JHY: variants seen among roughly 807,000 people sequenced by gnomAD.
JHY encodes the protein jhy protein homolog.
Under a neutral mutation model 78.0 loss-of-function variants are expected in JHY, and 69 were observed. That is an observed-to-expected ratio of 0.88 (90% CI 0.73 to 1.08). The LOEUF (loss-of-function observed/expected upper bound fraction) is 1.08. Among genes scored for constraint, JHY ranks in the 50% least tolerant of loss-of-function variants. The pLI is 0.00. For synonymous variants in JHY, 368 were observed against 342.6 expected, an observed-to-expected ratio of 1.07 and a Z score of -0.82; for missense variants, 944 against 927.8, an observed-to-expected ratio of 1.02 and a Z score of -0.23.
In JHY at chr11:122,904,339, A is replaced by G; in HGVS notation, c.759A>G (p.Gln253=). 1 of 1,614,064 alleles carries G rather than the reference A, an allele frequency of 6.2e-7. No individual in the cohort carries two copies. Among genetic ancestry groups the G allele is most frequent in the Non-Finnish European group, 8.5e-7 (1 of 1,180,012 alleles). The part of the protein sequence containing the change: ...SRGPRRRKSK[Q]HFVEKNKLTL... ...GCCCTCGGCGAAGGAAATCCAAACA[A>G]CATTTTGTGGAAAAAAACAAGCTCA... The change falls in exon 3 of 9, where the codon CAA becomes CAG. Residue 253 remains glutamine (Q), a synonymous_variant. Coordinates refer to ENST00000227349, the MANE Select transcript of JHY (RefSeq NM_024806.4).
At chr11:122,943,660 C>G (rs1472312099) in intron 5 of JHY, among the ~76,000 whole-genome samples, 1 of 152,132 alleles carries the variant, frequency 6.6e-6, no homozygotes, top group Non-Finnish European at 1.5e-5. Context: ...ATTGATATAT[C>G]TTCCTGATGA....
At chr11:122,955,967 A>C (rs1483986703) in intron 6 of JHY, among the ~76,000 whole-genome samples, 1 of 152,144 alleles carries the variant, frequency 6.6e-6, no homozygotes, top group Non-Finnish European at 1.5e-5. Context: ...CAAAATGGTA[A>C]TAGGAACAGT....
intron 4 of JHY, among the ~76,000 whole-genome samples, chr11:122,926,069 T>C (rs1472125625): frequency 6.7e-6 from 1 of 148,852 alleles, no homozygotes; most frequent in East Asian, 2.0e-4. Context: ...TCACCTGTAG[T>C]CCCAGCTACT....
Position 122,935,444 on chromosome 11 carries a change from A to G in JHY, c.1634+369A>G, listed in dbSNP as rs1336645267. Among the ~76,000 whole-genome samples, 1 of 152,176 alleles carries G rather than the reference A, an allele frequency of 6.6e-6. No homozygotes were observed. The highest frequency in any genetic ancestry group is 1.5e-5 in the Non-Finnish European group (1 of 68,034). The stretch of plus-strand genomic sequence containing the variant: ...GAGACAGAGTTTCAGCATGTTGGCC[A>G]GGCTGGTCTCGAACTCCTGACCTCA... On this transcript the variant is annotated intron_variant, in intron 5 of 8. Coordinates refer to ENST00000227349, the MANE Select transcript of JHY (RefSeq NM_024806.4). The surrounding 1 kb of genome is among the most constrained non-coding windows in gnomAD (Gnocchi z 4.5).
rs956149917 is a variant in JHY, at chr11:122,946,723, T to C, written c.1860T>C (p.Arg620=). Residue 620 remains arginine, a synonymous_variant, in exon 6 of 9, where the codon CGT becomes CGC. Transcript: ENST00000227349. ...RSQRNQVKIS[R]SNSEGYLFQL... is the part of the protein sequence containing the mutation. ...AAAGAAACCAAGTGAAAATTAGCCGTAGCAATTCTGAAGGCTATCTGTTTC... is the reference window on the plus strand; with the variant it reads ...AAAGAAACCAAGTGAAAATTAGCCGCAGCAATTCTGAAGGCTATCTGTTTC... The C allele has an allele frequency of 1.2e-6, 2 of 1,613,954 alleles. No homozygotes were observed. The highest frequency in any genetic ancestry group is 2.7e-5 in the African/African-American group (2 of 74,898).
intron 4 of JHY, among the ~76,000 whole-genome samples, chr11:122,931,097 G>C (rs1863625392): frequency 6.6e-6 from 1 of 152,128 alleles, no homozygotes; most frequent in Non-Finnish European, 1.5e-5. Flanking sequence ...TGCTGACCTA[G>C]TCACCCGAAA....
intron 2 of JHY, among the ~76,000 whole-genome samples, chr11:122,891,317 T>C (rs1395454924): frequency 6.6e-6 from 1 of 152,216 alleles, no homozygotes; most frequent in Non-Finnish European, 1.5e-5. Flanking sequence ...TATTCCCTTG[T>C]ATCTGACCAA....
chr11:122,944,111 C>T (rs1824513826), intron 5 of JHY, among the ~76,000 whole-genome samples: 1 of 152,102 alleles, frequency 6.6e-6, no homozygotes, highest in Admixed American at 6.5e-5. Context: ...GTGGGAGGAT[C>T]ACTTGAGCCC....
chr11:122,946,001 A>G (rs1475726015), intron 5 of JHY, among the ~76,000 whole-genome samples: 1 of 152,210 alleles, frequency 6.6e-6, no homozygotes, highest in Non-Finnish European at 1.5e-5. Context: ...ACACAGGACC[A>G]AGATCTTGCA....
At chr11:122,940,032 A>AT (rs1249310604) in intron 5 of JHY, among the ~76,000 whole-genome samples, 1 of 147,790 alleles carries the variant, frequency 6.8e-6, no homozygotes, top group East Asian at 2.0e-4. Context: ...TGTCCCTTTA[A>AT]TTAAAAAAAA....
intron 3 of JHY, among the ~76,000 whole-genome samples, chr11:122,916,854 T>A (rs1591380810): frequency 1.3e-5 from 2 of 152,168 alleles, no homozygotes; most frequent in Non-Finnish European, 1.5e-5. Context: ...GCTTTCAAAC[T>A]CCTGGCCTCA....
chr11:122,919,352 CAAAAAA>C lies in JHY; in HGVS notation c.865-5526_865-5521del, dbSNP rs72233254. On this transcript the variant is annotated intron_variant, in intron 3 of 8. Coordinates refer to ENST00000227349, the MANE Select transcript of JHY (RefSeq NM_024806.4). ...TGGGCAACAGAGAGAGACTCTGTCT[CAAAAAA>C]AAAAAAAAAAAAAAAAAAGAAGTGA... Among the ~76,000 whole-genome samples, 499 of 70,080 alleles carry C rather than the reference CAAAAAA, an allele frequency of 7.1e-3. 2 individuals are homozygous for C. The highest frequency in any genetic ancestry group is 0.021 in the African/African-American group (453 of 21,564). The allele number at this position is 70,080 out of a possible 152,430, so 46.0% of individuals were successfully genotyped here.
intron 4 of JHY, among the ~76,000 whole-genome samples, chr11:122,933,972 CTT>C (rs2135354126): frequency 6.6e-6 from 1 of 152,268 alleles, no homozygotes; most frequent in East Asian, 1.9e-4. Context: ...AAAGACTTAA[CTT>C]TTAAAACTTA....
In JHY at chr11:122,904,408, T is replaced by C. The variant is rs1862941846; in HGVS notation, c.828T>C (p.Leu276=). Residue 276 remains leucine (L), a synonymous_variant, in exon 3 of 9, where the codon CTT becomes CTC. Transcript: ENST00000227349. The part of the protein sequence containing the change: ...PTPKTDSYLQ[L]HNKKRGESHP... ...CGAAAACGGACTCTTATCTTCAACT[T>C]CACAATAAAAAAAGAGGGGAATCTC... 4 of 1,612,298 alleles carry C rather than the reference T, an allele frequency of 2.5e-6. No homozygotes were observed. Among genetic ancestry groups the C allele is most frequent in the Non-Finnish European group, 2.5e-6 (3 of 1,179,370 alleles).
intron 6 of JHY, among the ~76,000 whole-genome samples, chr11:122,953,357 C>A (rs1010108290): frequency 6.6e-6 from 1 of 151,880 alleles, no homozygotes; most frequent in African/African-American, 2.4e-5. Context: ...AATCCCAGCA[C>A]TTTGGGAGGC....
At chr11:122,914,794 T>G (rs1437100862) in intron 3 of JHY, among the ~76,000 whole-genome samples, 1 of 152,170 alleles carries the variant, frequency 6.6e-6, no homozygotes, top group African/African-American at 2.4e-5. Flanking sequence ...AGAATTATTC[T>G]TCTACAGAGT....
At chr11:122,953,669 G>GTATGAACAGACAGATAT (rs1864139014) in intron 6 of JHY, among the ~76,000 whole-genome samples, 1 of 151,846 alleles carries the variant, frequency 6.6e-6, no homozygotes, top group South Asian at 2.1e-4. Flanking sequence ...TTGTATGAAA[G>GTATGAACAGACAGATAT]TATGAACAGA....
intron 2 of JHY, 60 bp downstream of exon 2, chr11:122,886,253 C>G: frequency 6.8e-7 from 1 of 1,474,356 alleles, no homozygotes; most frequent in Non-Finnish European, 9.2e-7. Context: ...TAGATAATTA[C>G]TGTCGTCATT....
chr11:122,952,673 A>G (rs553591646), intron 6 of JHY, among the ~76,000 whole-genome samples: 1 of 152,338 alleles, frequency 6.6e-6, no homozygotes, highest in African/African-American at 2.4e-5. Flanking sequence ...GCAATTATTC[A>G]TGCATCACAA....
Sources: allele counts gnomAD v4.1 joint callset (sites outside exome capture counted in the v4.1 genomes callset), GRCh38; gene constraint gnomAD v4.1.1; non-coding constraint Gnocchi (gnomAD v3.1); transcripts MANE v1.5; gene names NCBI Gene and HGNC (gene_info 2026-07-23, HGNC 2026-07-21).